The following SKP1 variants were observed in gnomAD, a reference collection of about 807,000 sequenced individuals.
SKP1 encodes S-phase kinase associated protein 1, also known as S-phase kinase-associated protein 1.
SKP1 carries 1 observed loss-of-function variant against 21.5 expected under a neutral mutation model. That is an observed-to-expected ratio of 0.05 (90% CI 0.02 to 0.22). The LOEUF is 0.22. Among genes scored for constraint, SKP1 ranks in the 10% least tolerant of loss-of-function variants. SKP1 has a pLI of 1.00. For synonymous variants in SKP1, 59 were observed against 59.3 expected (o/e 0.99, Z 0.03); for missense variants, 70 against 192.0 (o/e 0.36, Z 3.76).
chr5:134,174,827 TTTAAAA>T, intron 1 of SKP1: 1 of 146,460 alleles, frequency 6.8e-6, no homozygotes, highest in South Asian at 2.1e-4. Context: ...AAAAAAGGCA[TTTAAAA>T]TTAAAAGTCC....
chr5:134,158,744 T>C (rs549691956), intron 4 of SKP1, 149 bp from the exon 5 acceptor site: 2 of 687,094 alleles, frequency 2.9e-6, no homozygotes, highest in African/African-American at 1.8e-5. Flanking sequence ...TAAGTTCTTC[T>C]GTGAAAGACT....
At chr5:134,164,014 C>T (rs1033550502) in intron 3 of SKP1, among the ~76,000 whole-genome samples, 6 of 152,090 alleles carry the variant, frequency 3.9e-5, no homozygotes, top group Admixed American at 3.3e-4. Flanking sequence ...CAAATATTCA[C>T]GTCTTTGTTT....
intron 2 of SKP1, among the ~76,000 whole-genome samples, chr5:134,172,005 C>G (rs911091373): frequency 6.6e-6 from 1 of 152,192 alleles, no homozygotes; most frequent in Non-Finnish European, 1.5e-5. Flanking sequence ...GATTGTACCA[C>G]TGCACACCAG....
At position 134,153,595 on chromosome 5, in the gene SKP1, A is replaced by T. The variant is rs958380534; in HGVS notation, c.*4138T>A. On this transcript the variant is annotated 3_prime_UTR_variant, in exon 6 of 6. Coordinates refer to ENST00000353411, the MANE Select transcript of SKP1 (RefSeq NM_170679.3). ...TCTTCAAAAGCTAATGGTGGCAAGC[A>T]AAAGTTAAGCTTGTAAAGGGTGCTG... is the stretch of plus-strand genomic sequence containing the variant. The T allele has an allele frequency of 1.3e-5, 2 of 152,226 alleles. No individual in the cohort carries two copies. Among genetic ancestry groups the T allele is most frequent in the African/African-American group, 4.8e-5 (2 of 41,456 alleles). 9.4% of individuals were successfully genotyped at this position (152,226 alleles called of 1,614,324 possible). A position where few individuals can be genotyped will look rare whatever the true frequency, so the allele number is the denominator to read the frequency against.
chr5:134,171,695 C>G (rs1008426908), intron 2 of SKP1, among the ~76,000 whole-genome samples: 1 of 152,182 alleles, frequency 6.6e-6, no homozygotes, highest in African/African-American at 2.4e-5. Context: ...CCTAGCACAC[C>G]CTGTCTACTT....
intron 2 of SKP1, among the ~76,000 whole-genome samples, chr5:134,169,531 A>C (rs1206020123): frequency 6.6e-6 from 1 of 152,220 alleles, no homozygotes; most frequent in Non-Finnish European, 1.5e-5. Context: ...GCTTGTTTAG[A>C]TCCAAATGTA....
intron 3 of SKP1, among the ~76,000 whole-genome samples, chr5:134,164,379 G>A (rs1305060461): frequency 6.8e-6 from 1 of 147,628 alleles, no homozygotes; most frequent in African/African-American, 2.5e-5. Flanking sequence ...GACATCTCCT[G>A]ACCATCTTTA....
chr5:134,165,869 G>T (rs1761320765), intron 3 of SKP1, among the ~76,000 whole-genome samples: 1 of 151,414 alleles, frequency 6.6e-6, no homozygotes, highest in Non-Finnish European at 1.5e-5. Context: ...CTGGGCAACA[G>T]AGTGAGATCA....
intron 5 of SKP1, 132 bp from the exon 6 acceptor site, chr5:134,157,900 A>G (rs772280205): frequency 1.1e-5 from 17 of 1,583,680 alleles, no homozygotes; most frequent in Non-Finnish European, 1.5e-5. Flanking sequence ...GAACAACACC[A>G]GGTTAAGACT....
intron 2 of SKP1, among the ~76,000 whole-genome samples, chr5:134,171,399 T>C (rs868088751): frequency 1.3e-5 from 2 of 152,200 alleles, no homozygotes; most frequent in Admixed American, 6.5e-5. Flanking sequence ...CTGATTTCTA[T>C]ACTCTTAGCA....
chr5:134,175,657 G>C (rs961740601), intron 1 of SKP1: 1 of 152,182 alleles, frequency 6.6e-6, no homozygotes, highest in Admixed American at 6.5e-5. Context: ...AGTCAAGTTT[G>C]TGGATTGGGT....
chr5:134,151,281 G>A lies in SKP1; in HGVS notation c.*6452C>T, dbSNP rs1761039476. ...GGGGTGGGGCTTGGGGAGGGAAGAGGAAAAGCCAGGTTCCACTCACCAAAA... is the reference window on the plus strand; with the variant it reads ...GGGGTGGGGCTTGGGGAGGGAAGAGAAAAAGCCAGGTTCCACTCACCAAAA... On this transcript the variant is annotated 3_prime_UTR_variant, in exon 6 of 6. Transcript: ENST00000353411. 1.3e-5 allele frequency: 2 copies of A among 152,654 alleles called. No homozygotes were observed. Among genetic ancestry groups the A allele is most frequent in the Non-Finnish European group, 2.9e-5 (2 of 68,486 alleles). The allele number at this position is 152,654 out of a possible 1,614,324, so 9.5% of individuals were successfully genotyped here.
At chr5:134,165,347 T>C (rs549921846) in intron 3 of SKP1, among the ~76,000 whole-genome samples, 1 of 152,292 alleles carries the variant, frequency 6.6e-6, no homozygotes, top group South Asian at 2.1e-4. Context: ...ATTCACACTT[T>C]GGGAGGCCAA....
At chr5:134,172,140 G>C (rs1761454589) in intron 2 of SKP1, among the ~76,000 whole-genome samples, 2 of 152,252 alleles carry the variant, frequency 1.3e-5, no homozygotes, top group African/African-American at 4.8e-5. Flanking sequence ...TGTTCCCACA[G>C]CGCCACTTGG....
chr5:134,158,975 A>G (rs113130924), intron 4 of SKP1, among the ~76,000 whole-genome samples: 1 of 152,310 alleles, frequency 6.6e-6, no homozygotes, highest in South Asian at 2.1e-4. Context: ...TTTAAAAAAC[A>G]GGTTTTGGTT....
At chr5:134,166,861 G>C (rs1428766587) in intron 3 of SKP1, among the ~76,000 whole-genome samples, 3 of 152,098 alleles carry the variant, frequency 2.0e-5, no homozygotes, top group Non-Finnish European at 4.4e-5. Context: ...AGGTATATAA[G>C]CCAACCTGCG....
chr5:134,164,705 TA>T (rs1761294864), intron 3 of SKP1, among the ~76,000 whole-genome samples: 1 of 151,476 alleles, frequency 6.6e-6, no homozygotes, highest in Non-Finnish European at 1.5e-5. Flanking sequence ...TCTAACTAGA[TA>T]AAATAAAGCC....
In SKP1 at chr5:134,152,287, G is replaced by C. The variant is rs1459587739; in HGVS notation, c.*5446C>G. ...GAATAAATGCTGATAAAATACTACT[G>C]AGTGTCAGCAAAGTACTGTGACTAA... On this transcript the variant is annotated 3_prime_UTR_variant, in exon 6 of 6. Coordinates refer to ENST00000353411, the MANE Select transcript of SKP1 (RefSeq NM_170679.3). 1 of 152,218 alleles carries C rather than the reference G, an allele frequency of 6.6e-6. No individual in the cohort carries two copies. Among genetic ancestry groups the C allele is most frequent in the African/African-American group, 2.4e-5 (1 of 41,434 alleles). 9.4% of individuals were successfully genotyped at this position (152,218 alleles called of 1,614,324 possible).
intron 3 of SKP1, among the ~76,000 whole-genome samples, chr5:134,165,544 C>G (rs1022426671): frequency 1.4e-5 from 2 of 143,538 alleles, no homozygotes; most frequent in Non-Finnish European, 3.0e-5. Flanking sequence ...GAGCTGAGAT[C>G]GTGCCACTGC....
Sources: gnomAD v4.1 joint callset for allele counts (sites outside exome capture counted in the v4.1 genomes callset) on GRCh38, gnomAD v4.1.1 for gene constraint, MANE v1.5 for transcripts, NCBI Gene and HGNC (gene_info 2026-07-23, HGNC 2026-07-21) for gene names.